GLB1: variants seen among roughly 807,000 people sequenced by gnomAD.
The protein encoded by GLB1 is beta-galactosidase.
A neutral mutation model predicts 74.0 loss-of-function variants in GLB1; 56 were observed. The ratio of observed to expected loss-of-function variants is 0.76; its 90% CI spans 0.61 to 0.94. GLB1 has a LOEUF of 0.94. GLB1 is among the 40% of genes least tolerant of loss of function. GLB1 has a pLI of 0.00. For synonymous variants in GLB1, 323 were observed against 323.6 expected (o/e 1.00, Z 0.02); for missense variants, 787 against 845.5 (o/e 0.93, Z 0.86).
intron 10 of GLB1, among the ~76,000 whole-genome samples, chr3:33,042,370 C>CTTTTTTTTTTTTTTTTTTTTTTTTTT (rs66685286): frequency 1.0e-5 from 1 of 99,240 alleles, no homozygotes; most frequent in Non-Finnish European, 2.0e-5. Flanking sequence ...TCATCTCCTC[C>CTTTTTTTTTTTTTTTTTTTTTTTTTT]TTTTTTTTTT....
the GLB1 span, among the ~76,000 whole-genome samples, chr3:32,986,971 G>A: frequency 2.0e-5 from 3 of 152,176 alleles, no homozygotes; most frequent in Non-Finnish European, 4.4e-5. Flanking sequence ...TCAGTTTAGA[G>A]ACCGACAGCA....
intron 15 of GLB1, among the ~76,000 whole-genome samples, chr3:33,005,132 G>A (rs1237933468): frequency 6.6e-6 from 1 of 151,668 alleles, no homozygotes; most frequent in African/African-American, 2.4e-5. Flanking sequence ...TCATGCCCTT[G>A]TAACTATCCT....
chr3:33,034,644 CG>C, intron 10 of GLB1: 1 of 725,918 alleles, frequency 1.4e-6, no homozygotes, highest in Non-Finnish European at 2.6e-6. Flanking sequence ...ATGTAGCATG[CG>C]GGCAGGTCCA....
chr3:33,029,491 A>G (rs1697917724), intron 10 of GLB1, among the ~76,000 whole-genome samples: 1 of 152,236 alleles, frequency 6.6e-6, no homozygotes, highest in Non-Finnish European at 1.5e-5. Flanking sequence ...TGTATAAATC[A>G]GTTATATTAA....
intron 12 of GLB1, chr3:33,021,320 T>C (rs998866055): frequency 5.4e-6 from 3 of 555,476 alleles, no homozygotes; most frequent in South Asian, 2.1e-5. Flanking sequence ...CAGAATTATG[T>C]TGAAGCAGGT....
In GLB1 at chr3:33,065,533, C is replaced by A. The variant is rs768691348; in HGVS notation, c.482G>T (p.Trp161Leu). 1.3e-6 allele frequency: 2 copies of A among 1,581,514 alleles called. No homozygotes were observed. The highest frequency in any genetic ancestry group is 2.3e-5 in the South Asian group (2 of 87,140). ...CATCTTGGGCAGAAGGACTCCCAAC[C>A]ACTTGTCCACAGCTGCCAGGTAATC... ...DPDYLAAVDK[W>L]LGVLLPKMKP... Residue 161 changes from tryptophan (W) to leucine (L), a missense_variant, in exon 5 of 16, where the codon TGG becomes TTG. Physicochemically the swap from Trp to Leu is moderately conservative, Grantham distance 61. Transcript: ENST00000307363.
At chr3:32,992,105 C>T (rs888849282), downstream of GLB1, among the ~76,000 whole-genome samples, 2 of 152,236 alleles carry the variant, frequency 1.3e-5, no homozygotes, top group African/African-American at 2.4e-5. Context: ...ACACTAGGGC[C>T]TTTAAGTCCA....
At chr3:33,022,564 A>ATTTTTTTTGTTTTTTTTTTTTTTTT (rs1697540476) in intron 11 of GLB1, among the ~76,000 whole-genome samples, 1 of 63,744 alleles carries the variant, frequency 1.6e-5, no homozygotes, top group African/African-American at 5.1e-5. Context: ...ACTGGTTAGG[A>ATTTTTTTTGTTTTTTTTTTTTTTTT]TTTTTTTTTT....
chr3:33,081,579 G>T (rs1178354405), intron 1 of GLB1, among the ~76,000 whole-genome samples: 1 of 152,210 alleles, frequency 6.6e-6, no homozygotes, highest in East Asian at 1.9e-4. Context: ...CTGGTGAGGA[G>T]GGCCCTGGCA....
chr3:33,019,074 T>C (rs901093441), intron 12 of GLB1, among the ~76,000 whole-genome samples: 1 of 152,180 alleles, frequency 6.6e-6, no homozygotes, highest in African/African-American at 2.4e-5. Flanking sequence ...TCTCAGTTAC[T>C]TGGGGAGGAT....
chr3:32,993,522 ATTTTTTT>A (rs746774682), downstream of GLB1, among the ~76,000 whole-genome samples: 20 of 62,256 alleles, frequency 3.2e-4, no homozygotes, highest in South Asian at 8.8e-4. Flanking sequence ...CATCCAGCTA[ATTTTTTT>A]TTTTTTTTTT....
the GLB1 span, among the ~76,000 whole-genome samples, chr3:32,967,040 A>G: frequency 2.6e-5 from 4 of 152,178 alleles, no homozygotes; most frequent in Non-Finnish European, 5.9e-5. Context: ...ATGGTGCAAG[A>G]TGGACTGCTT....
At position 33,014,630 on chromosome 3, in the gene GLB1, G is replaced by T. The variant is rs57739080; in HGVS notation, c.1480-320C>A. Among the ~76,000 whole-genome samples, 12,517 of 152,190 alleles carry T rather than the reference G, an allele frequency of 0.082. 585 individuals are homozygous for T. Among genetic ancestry groups the T allele is most frequent in the African/African-American group, 0.1 (4,238 of 41,518 alleles). On this transcript the variant is annotated intron_variant, in intron 14 of 15. Transcript: ENST00000307363. ...TTGATCCCAAATTCCCAAATTTTCA[G>T]AGTTTGGCTGAGAGCCACTGCTAGA...
chr3:33,011,975 G>C (rs1045028592), intron 15 of GLB1, among the ~76,000 whole-genome samples: 2 of 152,164 alleles, frequency 1.3e-5, no homozygotes, highest in African/African-American at 4.8e-5. Flanking sequence ...CCACCGAAGT[G>C]CTTCTGTCTT....
chr3:33,034,320 G>T, intron 10 of GLB1: 1 of 746,596 alleles, frequency 1.3e-6, no homozygotes, highest in Admixed American at 1.8e-5. Context: ...ACCATTGGCT[G>T]CAATGCCATC....
rs1213343255 is a variant in GLB1 at position 32,999,731 on chromosome 3, G to A, written c.1735-2387C>T. ...GCAATCCTGGCTCGCTGCAGCCTCC[G>A]CCTCCACCTCCCAAGTTCAAGAGCT... On this transcript the variant is annotated intron_variant, in intron 15 of 15. Transcript: ENST00000307363. Among the ~76,000 whole-genome samples the A allele has an allele frequency of 3.3e-5, 5 of 152,158 alleles. No homozygotes were observed. In the East Asian group the frequency reaches 7.7e-4, roughly 24 times the overall value.
intron 10 of GLB1, among the ~76,000 whole-genome samples, chr3:33,035,476 T>C (rs968553290): frequency 1.2e-4 from 19 of 152,154 alleles, no homozygotes; most frequent in Admixed American, 3.3e-4. Context: ...AATCTTTTTG[T>C]TATGGACTGA....
chr3:33,016,068 G>C (rs560512464), intron 14 of GLB1, among the ~76,000 whole-genome samples: 6 of 152,300 alleles, frequency 3.9e-5, no homozygotes, highest in South Asian at 2.1e-4. Context: ...ACAGAGGTGA[G>C]AGCCAGTGCC....
At chr3:33,020,016 G>A (rs1412590220) in intron 12 of GLB1, among the ~76,000 whole-genome samples, 4 of 152,166 alleles carry the variant, frequency 2.6e-5, no homozygotes, top group Non-Finnish European at 5.9e-5. Flanking sequence ...AACAATGGCT[G>A]CACGTGTTCA....
Sources: allele counts gnomAD v4.1 joint callset (sites outside exome capture counted in the v4.1 genomes callset), GRCh38; gene constraint gnomAD v4.1.1; transcripts MANE v1.5; gene names NCBI Gene and HGNC (gene_info 2026-07-23, HGNC 2026-07-21).